RGS6: variants seen among roughly 807,000 people sequenced by gnomAD.
RGS6 encodes the protein regulator of G-protein signaling 6.
In RGS6, 30 loss-of-function variants were observed where a neutral mutation model predicts 78.5. The observed-to-expected ratio is 0.38, with a 90% CI of 0.29 to 0.52. The LOEUF (loss-of-function observed/expected upper bound fraction) is 0.52. RGS6 is among the 20% of genes least tolerant of loss of function. The pLI is 0.85. For synonymous variants in RGS6, 206 were observed against 206.0 expected, an observed-to-expected ratio of 1.00 and a Z score of 0.00; for missense variants, 495 against 609.7, an observed-to-expected ratio of 0.81 and a Z score of 1.98.
chr14:72,026,197 A>G (rs950503852), intron 2 of RGS6, among the ~76,000 whole-genome samples: 1 of 152,134 alleles, frequency 6.6e-6, no homozygotes, highest in African/African-American at 2.4e-5. Flanking sequence ...ACCTGAGGTC[A>G]GGAGTTCGAG....
intron 2 of RGS6, among the ~76,000 whole-genome samples, chr14:72,340,776 A>AT (rs34003450): frequency 1.3e-5 from 2 of 152,128 alleles, no homozygotes; most frequent in Non-Finnish European, 2.9e-5. Context: ...GCCCTGAAAT[A>AT]TTTTTTTAAG....
chr14:72,564,713 TCTC>T lies in RGS6; in HGVS notation c.*2249_*2251del, dbSNP rs1390966964. ...CTTGGCCATTCCCTCTGTGCCCCCTTCTCCTTCTGACTGGTCTCACCCTGGAGA... is the reference window on the plus strand; with the variant it reads ...CTTGGCCATTCCCTCTGTGCCCCCTTCTTCTGACTGGTCTCACCCTGGAGA... On this transcript the variant is annotated 3_prime_UTR_variant, in exon 18 of 18. Transcript: ENST00000553525. The T allele has an allele frequency of 1.3e-5, 2 of 152,204 alleles. No individual in the cohort carries two copies. The highest frequency in any genetic ancestry group is 3.9e-4 in the East Asian group (2 of 5,170). 9.4% of individuals were successfully genotyped at this position (152,204 alleles called of 1,614,324 possible). A position where few individuals can be genotyped will look rare whatever the true frequency, so the allele number is the denominator to read the frequency against.
intron 13 of RGS6, among the ~76,000 whole-genome samples, chr14:72,499,944 C>T (rs77286497): frequency 0.024 from 3,698 of 152,278 alleles, 155 homozygotes; most frequent in African/African-American, 0.084. Flanking sequence ...CAGCGGGCAC[C>T]GTGTGGGCTG....
intron 2 of RGS6, among the ~76,000 whole-genome samples, chr14:72,340,678 T>A (rs2076826940): frequency 6.6e-6 from 1 of 152,228 alleles, no homozygotes; most frequent in Admixed American, 6.5e-5. Context: ...TTGCAGCTGC[T>A]GAGGAAACTT....
intron 2 of RGS6, among the ~76,000 whole-genome samples, chr14:72,157,670 A>T (rs1304716568): frequency 6.6e-6 from 1 of 152,106 alleles, no homozygotes; most frequent in Non-Finnish European, 1.5e-5. Context: ...AGGTTTTCGG[A>T]CAGGCGGGCC....
chr14:72,258,251 T>G lies in RGS6; in HGVS notation c.85-93844T>G, dbSNP rs77691165. ...ATACACCACTATACACCACTTAATC[T>G]TTAGAGGGCTCATTTGAATCACATT... On this transcript the variant is annotated intron_variant, in intron 2 of 17. Coordinates refer to ENST00000553525, the MANE Select transcript of RGS6 (RefSeq NM_001204424.2). 9.5e-3 allele frequency among the ~76,000 whole-genome samples: 1,446 copies of G among 152,332 alleles called. 11 individuals carry two copies. Among genetic ancestry groups the G allele is most frequent in the South Asian group, 0.024 (116 of 4,832 alleles).
intron 2 of RGS6, among the ~76,000 whole-genome samples, chr14:72,046,189 G>T: frequency 6.8e-6 from 1 of 147,566 alleles, no homozygotes. Flanking sequence ...TGTCCTCCCT[G>T]AATTTCATTG....
intron 2 of RGS6, among the ~76,000 whole-genome samples, chr14:72,174,373 C>T (rs180795809): frequency 6.6e-6 from 1 of 151,922 alleles, no homozygotes; most frequent in African/African-American, 2.4e-5. Flanking sequence ...GCTGGGATTA[C>T]AGTTATGAGC....
intron 2 of RGS6, among the ~76,000 whole-genome samples, chr14:72,134,210 C>G (rs1222341802): frequency 6.6e-6 from 1 of 152,052 alleles, no homozygotes; most frequent in East Asian, 1.9e-4. Context: ...TCTGCTGTAC[C>G]CAGTTACCTC....
At chr14:71,907,624 G>T in the RGS6 span, among the ~76,000 whole-genome samples, 2 of 151,992 alleles carry the variant, frequency 1.3e-5, no homozygotes, top group Admixed American at 6.6e-5. Flanking sequence ...GGTGGTGGGG[G>T]GATATGTTCA....
intron 2 of RGS6, among the ~76,000 whole-genome samples, chr14:72,116,131 T>C (rs150506920): frequency 3.5e-4 from 54 of 152,314 alleles, no homozygotes; most frequent in African/African-American, 1.1e-3. Context: ...TAAACATAAA[T>C]GGGCATGGAT....
intron 2 of RGS6, among the ~76,000 whole-genome samples, chr14:72,002,712 A>G (rs2083718944): frequency 6.6e-6 from 1 of 152,196 alleles, no homozygotes; most frequent in African/African-American, 2.4e-5. Context: ...GTGTGGCAGT[A>G]GACTGTGTGT....
intron 2 of RGS6, among the ~76,000 whole-genome samples, chr14:72,070,188 T>C (rs10138290): frequency 0.72 from 109,528 of 151,926 alleles, 39,555 homozygotes; most frequent in East Asian, 0.81. Flanking sequence ...GAGAATTTGC[T>C]AATTAGTTGA....
the RGS6 span, among the ~76,000 whole-genome samples, chr14:71,876,473 CTTTTTTTTTTTTTTTTTTTTTT>C: frequency 2.2e-3 from 158 of 72,498 alleles, 4 homozygotes; most frequent in South Asian, 1.8e-3. Flanking sequence ...GCAACCGCTG[CTTTTTTTTTTTTTTTTTTTTTT>C]TTTTTTTTTT....
chr14:72,534,519 G>A (rs1239067755), intron 15 of RGS6, among the ~76,000 whole-genome samples: 2 of 152,184 alleles, frequency 1.3e-5, no homozygotes, highest in African/African-American at 4.8e-5. Context: ...TATCACAAAT[G>A]ACAGGATTTC....
chr14:72,091,788 C>G (rs555416199), intron 2 of RGS6, among the ~76,000 whole-genome samples: 1 of 152,096 alleles, frequency 6.6e-6, no homozygotes, highest in East Asian at 1.9e-4. Flanking sequence ...TTCATGGGAA[C>G]CAAATCACAT....
At chr14:72,098,029 C>A (rs775314135) in intron 2 of RGS6, among the ~76,000 whole-genome samples, 1 of 152,136 alleles carries the variant, frequency 6.6e-6, no homozygotes, top group Non-Finnish European at 1.5e-5. Context: ...CCACACATAG[C>A]AAATTCTAAA....
intron 2 of RGS6, among the ~76,000 whole-genome samples, chr14:72,002,355 C>T (rs1431974664): frequency 6.6e-6 from 1 of 152,178 alleles, no homozygotes. Flanking sequence ...GATTTTCCAG[C>T]TGCAGATTTA....
chr14:71,874,590 A>C, the RGS6 span, among the ~76,000 whole-genome samples: 3 of 152,376 alleles, frequency 2.0e-5, no homozygotes, highest in South Asian at 6.2e-4. Context: ...ATCTGCAAAC[A>C]GGGACAATTT....
Sources: gnomAD v4.1 joint callset for allele counts (sites outside exome capture counted in the v4.1 genomes callset) on GRCh38, gnomAD v4.1.1 for gene constraint, MANE v1.5 for transcripts, NCBI Gene and HGNC (gene_info 2026-07-23, HGNC 2026-07-21) for gene names.